The following UBN2 variants were observed in gnomAD, a reference collection of about 807,000 sequenced individuals.
The protein encoded by UBN2 is ubinuclein-2.
UBN2 carries 35 observed loss-of-function variants against 120.2 expected under a neutral mutation model. That is an observed-to-expected ratio of 0.29 (90% CI 0.22 to 0.39). The LOEUF (loss-of-function observed/expected upper bound fraction) is 0.39. Among genes scored for constraint, UBN2 ranks in the 10% least tolerant of loss-of-function variants. UBN2 has a pLI of 1.00. For synonymous variants in UBN2, 661 were observed against 648.7 expected, an observed-to-expected ratio of 1.02 and a Z score of -0.29; for missense variants, 1,693 against 1,663.2, an observed-to-expected ratio of 1.02 and a Z score of -0.31.
At chr7:139,330,301 T>C in the UBN2 span, among the ~76,000 whole-genome samples, 1 of 152,236 alleles carries the variant, frequency 6.6e-6, no homozygotes, top group Admixed American at 6.5e-5. Context: ...TTTAAGTGTA[T>C]GAGAAATTCA....
At chr7:139,273,087 G>A (rs1403522092) in intron 9 of UBN2, among the ~76,000 whole-genome samples, 1 of 152,216 alleles carries the variant, frequency 6.6e-6, no homozygotes, top group African/African-American at 2.4e-5. Context: ...AAAGGTGAAT[G>A]TTGGTGCCTT....
the UBN2 span, among the ~76,000 whole-genome samples, chr7:139,328,898 G>C: frequency 6.6e-6 from 1 of 151,200 alleles, no homozygotes; most frequent in Non-Finnish European, 1.5e-5. Flanking sequence ...AAACCCATCA[G>C]TAGAAACTAA....
intron 2 of UBN2, among the ~76,000 whole-genome samples, chr7:139,243,792 A>G (rs1184650705): frequency 6.6e-6 from 1 of 152,166 alleles, no homozygotes; most frequent in Non-Finnish European, 1.5e-5. Flanking sequence ...ATAGTTGGCA[A>G]AAATCTATTT....
chr7:139,286,278 G>C (rs1042996123), intron 15 of UBN2, among the ~76,000 whole-genome samples: 2 of 152,056 alleles, frequency 1.3e-5, no homozygotes, highest in African/African-American at 4.8e-5. Flanking sequence ...TGACTGGGCT[G>C]GTCTCAAACT....
chr7:139,281,959 T>TA (rs1157806362), intron 13 of UBN2, 46 bp from the exon 14 acceptor site: 1 of 1,573,616 alleles, frequency 6.4e-7, no homozygotes, highest in African/African-American at 1.3e-5. Context: ...CTAAGGAAGT[T>TA]AGAGTGTAAC....
chr7:139,294,950 C>G (rs559014149), intron 17 of UBN2, among the ~76,000 whole-genome samples: 18 of 152,336 alleles, frequency 1.2e-4, no homozygotes, highest in Admixed American at 5.9e-4. Context: ...GCATAACACA[C>G]TGGGCTCCAG....
chr7:139,326,147 T>C, the UBN2 span, among the ~76,000 whole-genome samples: 165 of 152,262 alleles, frequency 1.1e-3, 2 homozygotes, highest in African/African-American at 3.3e-3. Context: ...TCCCAGTTAC[T>C]TGGGAGGCTG....
chr7:139,294,411 C>T (rs1485196448), intron 17 of UBN2, among the ~76,000 whole-genome samples: 6 of 152,226 alleles, frequency 3.9e-5, no homozygotes, highest in African/African-American at 1.4e-4. Flanking sequence ...AATCAGAGAG[C>T]TAAGCAACTT....
At chr7:139,239,990 A>C (rs954169591) in intron 2 of UBN2, among the ~76,000 whole-genome samples, 1 of 152,234 alleles carries the variant, frequency 6.6e-6, no homozygotes, top group African/African-American at 2.4e-5. Flanking sequence ...GTTAGCATTA[A>C]GTCTTCTTAG....
Position 139,240,773 on chromosome 7 carries a change from C to T in UBN2, c.561+3676C>T, listed in dbSNP as rs1367375211. Among the ~76,000 whole-genome samples the T allele has an allele frequency of 4.6e-5, 7 of 152,264 alleles. No homozygotes were observed. In the East Asian group the frequency reaches 1.4e-3, roughly 29 times the overall value. ...TTTCCTGTTATGTTGTTCTTATGCT[C>T]AGGTAATGTGACAGTTCATATTCAG... On this transcript the variant is annotated intron_variant, in intron 2 of 17. Transcript: ENST00000473989.
chr7:139,274,510 C>G (rs1028575175), intron 11 of UBN2, among the ~76,000 whole-genome samples: 1 of 152,138 alleles, frequency 6.6e-6, no homozygotes, highest in East Asian at 1.9e-4. Context: ...TGCCTGTAAT[C>G]CCAGCACTTT....
At chr7:139,314,091 G>A in the UBN2 span, among the ~76,000 whole-genome samples, 6 of 150,332 alleles carry the variant, frequency 4.0e-5, no homozygotes, top group Admixed American at 1.3e-4. Flanking sequence ...CAGGTGATCC[G>A]CCTGCCTCAG....
intron 17 of UBN2, among the ~76,000 whole-genome samples, chr7:139,297,542 C>G (rs1798143535): frequency 6.6e-6 from 1 of 152,070 alleles, no homozygotes; most frequent in Non-Finnish European, 1.5e-5. Context: ...TTGTTGAAAT[C>G]ATATTTAAAA....
At chr7:139,294,114 T>G in intron 17 of UBN2, 133 bp downstream of exon 17, 1 of 784,926 alleles carries the variant, frequency 1.3e-6, no homozygotes, top group Admixed American at 2.3e-5. Context: ...GAATCCTCAT[T>G]CCTCATTAGC....
At position 139,249,214 on chromosome 7, in the gene UBN2, G is replaced by A. The variant is rs150668836; in HGVS notation, c.562-2742G>A. On this transcript the variant is annotated intron_variant, in intron 2 of 17. Transcript: ENST00000473989. ...ATATGGGAACCATTACTTACATTTC[G>A]CACCACAGTACCTTTCTTGGTGATG... Among the ~76,000 whole-genome samples the A allele has an allele frequency of 7.1e-3, 1,076 of 152,138 alleles. 7 individuals are homozygous for A. The highest frequency in any genetic ancestry group is 0.012 in the Non-Finnish European group (786 of 68,002).
chr7:139,261,879 T>C, intron 6 of UBN2, 138 bp downstream of exon 6: 1 of 885,170 alleles, frequency 1.1e-6, no homozygotes, highest in Non-Finnish European at 1.6e-6. Flanking sequence ...TAAACTACAA[T>C]CTGAACATTT....
At chr7:139,297,737 G>A in intron 17 of UBN2, 50 bp from the exon 18 acceptor site, 1 of 1,566,328 alleles carries the variant, frequency 6.4e-7, no homozygotes, top group Non-Finnish European at 8.8e-7. Context: ...TTTGTTAGCT[G>A]GTTTTTGTAA....
At chr7:139,261,111 A>AAT (rs1237010843) in intron 5 of UBN2, 141 bp from the exon 6 acceptor site, 14 of 973,890 alleles carry the variant, frequency 1.4e-5, no homozygotes, top group Middle Eastern at 3.4e-4. Context: ...GTGCTATTGT[A>AAT]ATAGTATAAG....
intron 5 of UBN2, among the ~76,000 whole-genome samples, chr7:139,260,221 C>T (rs1489507184): frequency 6.6e-6 from 1 of 152,082 alleles, no homozygotes; most frequent in Non-Finnish European, 1.5e-5. Flanking sequence ...GCCTCAGCTA[C>T]CTGAGTAGCT....
Sources: gnomAD v4.1 joint callset for allele counts (sites outside exome capture counted in the v4.1 genomes callset) on GRCh38, gnomAD v4.1.1 for gene constraint, MANE v1.5 for transcripts, NCBI Gene and HGNC (gene_info 2026-07-23, HGNC 2026-07-21) for gene names.